SZT2: variants seen among roughly 807,000 people sequenced by gnomAD.
SZT2 encodes SZT2 subunit of KICSTOR complex, also known as KICSTOR complex protein SZT2.
SZT2 carries 216 observed loss-of-function variants against 404.2 expected under a neutral mutation model. The ratio of observed to expected loss-of-function variants is 0.53; its 90% CI spans 0.48 to 0.60. The LOEUF (loss-of-function observed/expected upper bound fraction) is 0.60, where lower values mean the gene tolerates loss of function less well. Ranked by LOEUF, SZT2 falls within the 20% of genes least tolerant of loss-of-function variation. The pLI is 0.00. For synonymous variants in SZT2, 1,693 were observed against 1,749.9 expected, an observed-to-expected ratio of 0.97 and a Z score of 0.81; for missense variants, 3,857 against 4,459.2, an observed-to-expected ratio of 0.86 and a Z score of 3.85.
chr1:43,449,851 G>A, intron 70 of SZT2: 1 of 585,570 alleles, frequency 1.7e-6, no homozygotes, highest in Admixed American at 2.8e-5. Context: ...GCTTCAGTGT[G>A]CCAGGCTCTG....
At chr1:43,406,200 G>C in intron 4 of SZT2, 2 of 271,546 alleles carry the variant, frequency 7.4e-6, no homozygotes, top group South Asian at 5.8e-5. Context: ...CAATTCTCCT[G>C]CCTCAGCCTT....
intron 52 of SZT2, 141 bp downstream of exon 52, chr1:43,440,727 C>A: frequency 1.7e-6 from 2 of 1,186,336 alleles, no homozygotes; most frequent in East Asian, 2.8e-5. Context: ...TGCCAGACAC[C>A]ATGGCGTGTA....
At chr1:43,391,043 G>A (rs1057323752) in intron 1 of SZT2, among the ~76,000 whole-genome samples, 4 of 152,150 alleles carry the variant, frequency 2.6e-5, no homozygotes, top group Non-Finnish European at 4.4e-5. Flanking sequence ...TAAGCCGGGC[G>A]CAGTGGCTTA....
chr1:43,400,102 C>A (rs1649505371), intron 1 of SZT2, among the ~76,000 whole-genome samples: 1 of 151,652 alleles, frequency 6.6e-6, no homozygotes, highest in African/African-American at 2.4e-5. Flanking sequence ...CCATGCCGAG[C>A]TAATTTTTGT....
Position 43,448,233 on chromosome 1 carries a change from C to G in SZT2, c.9718C>G (p.Leu3240Val). The G allele has an allele frequency of 6.2e-7, 1 of 1,600,596 alleles. No individual in the cohort carries two copies. The highest frequency in any genetic ancestry group is 1.3e-5 in the African/African-American group (1 of 74,566). ...CCCTGGGGAGGCCTCAGGGCTTATT[C>G]TAGCGCCTGGACCGGCTCCTCTGTT... ...GSPGEASGLI[L>V]APGPAPLFPP... Residue 3240 changes from leucine (L) to valine (V), a missense_variant, in exon 69 of 72, where the codon CTA becomes GTA. Transcript: ENST00000634258. This position sits in a 1 kb window ranked among gnomAD's most constrained non-coding sequence, Gnocchi z 4.2.
At chr1:43,443,870 CTT>C (rs1655374949) in intron 62 of SZT2, 74 bp downstream of exon 62, 1 of 1,575,846 alleles carries the variant, frequency 6.3e-7, no homozygotes, top group South Asian at 1.1e-5. Flanking sequence ...CCCTTCCTCT[CTT>C]TACAAGGTCC....
rs1440809419 is a variant in SZT2 at position 43,424,342 on chromosome 1, A to G, written c.2381A>G (p.Tyr794Cys). Residue 794 changes from tyrosine (Y) to cysteine (C), a missense_variant, in exon 16 of 72, where the codon TAC becomes TGC. Transcript: ENST00000634258. This position sits in a 1 kb window ranked among gnomAD's most constrained non-coding sequence, Gnocchi z 4.1. Reference sequence around the variant, plus strand: ...CTGGCGTCACTGTCCCGCTACCTCTACCATCAGCGCTGGCTTTGGAGTGTC... The same window carrying G: ...CTGGCGTCACTGTCCCGCTACCTCTGCCATCAGCGCTGGCTTTGGAGTGTC... ...SSLASLSRYL[Y>C]HQRWLWSVPS... 9.4e-6 allele frequency: 15 copies of G among 1,598,044 alleles called. No homozygotes were observed. The highest frequency in any genetic ancestry group is 8.3e-5 in the Admixed American group (5 of 59,986).
Position 43,403,240 on chromosome 1 carries a change from C to T in SZT2, c.91C>T (p.Arg31Cys), listed in dbSNP as rs368761999. The T allele has an allele frequency of 6.2e-6, 10 of 1,613,992 alleles. No individual in the cohort carries two copies. The highest frequency in any genetic ancestry group is 2.7e-5 in the African/African-American group (2 of 74,912). The change falls in exon 2 of 72, where the codon CGC becomes TGC. Residue 31 changes from arginine (R) to cysteine (C), a missense_variant. Transcript: ENST00000634258. ...KKDYRISRNV[R>C]LAWFLSHLHQ... ...GGATTATCGAATCTCCCGAAATGTT[C>T]GCCTGGCTTGGTTCCTCAGTCATCT...
rs752527663 is a variant in SZT2 at position 43,442,319 on chromosome 1, G to A, written c.7925G>A (p.Arg2642Gln). The change falls in exon 57 of 72, where the codon CGA becomes CAA. Residue 2642 changes from arginine (R) to glutamine (Q), a missense_variant. Around this residue, in one of 7 missense-constraint regions of SZT2, gnomAD observed 573 missense variants for 592.4 expected, o/e 0.97. Transcript: ENST00000634258. This position sits in a 1 kb window ranked among gnomAD's most constrained non-coding sequence, Gnocchi z 4.5. ...CCAGGAGGTGATGGGAGCTCAGGGC[G>A]AAATGCTCCCCGGCAGAGGCTCTTG... ...FEPGGDGSSG[R>Q]NAPRQRLLLL... 62 of 1,614,020 alleles carry A rather than the reference G, an allele frequency of 3.8e-5. No homozygotes were observed. Among genetic ancestry groups the A allele is most frequent in the Non-Finnish European group, 4.9e-5 (58 of 1,180,012 alleles).
chr1:43,446,242 A>G lies in SZT2; in HGVS notation c.8980A>G (p.Met2994Val). Reference sequence around the variant, plus strand: ...GGCACTGCCTGGGGGCATCATCCTCATGGAACTGGCATTCCAGGTAAGCAG... The same window carrying G: ...GGCACTGCCTGGGGGCATCATCCTCGTGGAACTGGCATTCCAGGTAAGCAG... ...QRALPGGIIL[M>V]ELAFQGCYFC... Residue 2994 changes from methionine (M) to valine (V), a missense_variant, in exon 64 of 72, where the codon ATG (methionine) becomes GTG (valine). Met to Val is a conservative substitution (Grantham distance 21). Coordinates refer to ENST00000634258, the MANE Select transcript of SZT2 (RefSeq NM_001365999.1). 1.2e-6 allele frequency: 2 copies of G among 1,614,198 alleles called. No homozygotes were observed. The highest frequency in any genetic ancestry group is 1.3e-5 in the African/African-American group (1 of 75,048).
chr1:43,449,868 G>A (rs1245137103), intron 70 of SZT2: 7 of 601,532 alleles, frequency 1.2e-5, no homozygotes, highest in Non-Finnish European at 1.5e-5. Flanking sequence ...TCTGTGTGGG[G>A]CCTCCAGGAT....
chr1:43,392,553 T>C (rs1422602300), intron 1 of SZT2, among the ~76,000 whole-genome samples: 1 of 152,138 alleles, frequency 6.6e-6, no homozygotes, highest in Non-Finnish European at 1.5e-5. Flanking sequence ...TAGCTGGGAC[T>C]ACAGGCGCCT....
intron 5 of SZT2, among the ~76,000 whole-genome samples, 174 bp downstream of exon 5, chr1:43,415,387 A>G (rs1651583885): frequency 6.6e-6 from 1 of 151,788 alleles, no homozygotes; most frequent in East Asian, 1.9e-4. Flanking sequence ...ACTCAGATAT[A>G]CTCCCCAAAA....
chr1:43,396,566 AAG>A (rs767282910), intron 1 of SZT2, among the ~76,000 whole-genome samples: 13 of 152,230 alleles, frequency 8.5e-5, no homozygotes, highest in Admixed American at 2.6e-4. Context: ...TGACTCAAAG[AAG>A]AGAGGTAAAC....
rs1655631546 is a variant in SZT2, at chr1:43,446,086, T to A, written c.8917-93T>A. On this transcript the variant is annotated intron_variant, in intron 63 of 71. Coordinates refer to ENST00000634258, the MANE Select transcript of SZT2 (RefSeq NM_001365999.1). The stretch of plus-strand genomic sequence containing the variant: ...TGTACCGAGGTCACTGATCCCAGAC[T>A]GACACCATTAAAGTCAGGGTCCAAG... The A allele has an allele frequency of 3.2e-6, 5 of 1,586,632 alleles. No homozygotes were observed. In the South Asian group the frequency reaches 4.4e-5, roughly 14 times the overall value.
At chr1:43,394,168 A>T (rs1490005225) in intron 1 of SZT2, 5 of 576,062 alleles carry the variant, frequency 8.7e-6, no homozygotes, top group African/African-American at 4.1e-5. Context: ...AATCACTTGG[A>T]GACCTTGTTA....
chr1:43,434,161 G>A (rs1181785391), intron 40 of SZT2, among the ~76,000 whole-genome samples: 1 of 152,190 alleles, frequency 6.6e-6, no homozygotes, highest in Non-Finnish European at 1.5e-5. Context: ...CAAGCGTGGA[G>A]CCTCGGCATC....
At position 43,448,066 on chromosome 1, in the gene SZT2, C is replaced by T. The variant is rs576887543; in HGVS notation, c.9564-13C>T. On this transcript the variant is annotated splice_polypyrimidine_tract_variant and intron_variant, in intron 68 of 71. Coordinates refer to ENST00000634258, the MANE Select transcript of SZT2 (RefSeq NM_001365999.1). This position sits in a 1 kb window ranked among gnomAD's most constrained non-coding sequence, Gnocchi z 4.2. ...CTACAACCACCACTCTCCTGCCCTG[C>T]TCCCCACCCCAGGCTACAGTTCTTC... 6 of 1,599,868 alleles carry T rather than the reference C, an allele frequency of 3.8e-6. No individual in the cohort carries two copies. Among genetic ancestry groups the T allele is most frequent in the African/African-American group, 1.3e-5 (1 of 74,656 alleles).
rs1654907556 is a variant in SZT2, at chr1:43,440,129, G to A, written c.7210+81G>A. 2.0e-5 allele frequency: 32 copies of A among 1,575,992 alleles called. No homozygotes were observed. The South Asian group carries it at 2.1e-4, about 10-fold the overall frequency. The stretch of plus-strand genomic sequence containing the variant: ...CAGTGTGGCAGGTGAGCGTGCAAAG[G>A]TGGGGTTTAGGGGAAGCATGTCAGA... On this transcript the variant is annotated intron_variant, in intron 51 of 71. Coordinates refer to ENST00000634258, the MANE Select transcript of SZT2 (RefSeq NM_001365999.1).
Sources: allele counts gnomAD v4.1 joint callset (sites outside exome capture counted in the v4.1 genomes callset), GRCh38; gene constraint gnomAD v4.1.1; regional missense constraint gnomAD v4.1.1; non-coding constraint Gnocchi (gnomAD v3.1); transcripts MANE v1.5; gene names NCBI Gene and HGNC (gene_info 2026-07-23, HGNC 2026-07-21).